The following SNCAIP variants were observed in gnomAD, a reference collection of about 807,000 sequenced individuals.
The protein encoded by SNCAIP is synuclein alpha interacting protein.
Under a neutral mutation model 86.7 loss-of-function variants are expected in SNCAIP, and 43 were observed. That is an observed-to-expected ratio of 0.50 (90% CI 0.39 to 0.64). The LOEUF (loss-of-function observed/expected upper bound fraction) is 0.64. SNCAIP is among the 30% of genes least tolerant of loss of function. SNCAIP has a pLI of 0.00. For missense variants in SNCAIP, 981 were observed against 1,103.1 expected (o/e 0.89, Z 1.57); for synonymous variants, 417 against 427.2 (o/e 0.98, Z 0.29).
intron 1 of SNCAIP, among the ~76,000 whole-genome samples, chr5:122,373,307 G>T (rs1288581813): frequency 3.3e-5 from 5 of 152,056 alleles, no homozygotes; most frequent in Non-Finnish European, 7.4e-5. Context: ...AAGCAGTTCT[G>T]TTTTCAGCAT....
At chr5:122,419,676 G>A (rs1324317896) in intron 3 of SNCAIP, among the ~76,000 whole-genome samples, 1 of 152,088 alleles carries the variant, frequency 6.6e-6, no homozygotes, top group East Asian at 1.9e-4. Context: ...AATTTGGGGG[G>A]ATTTAAATTT....
chr5:122,343,758 T>A (rs1193054860), intron 1 of SNCAIP, among the ~76,000 whole-genome samples: 1 of 152,196 alleles, frequency 6.6e-6, no homozygotes, highest in Non-Finnish European at 1.5e-5. Context: ...ACACATTAGA[T>A]GTGAGTAGCA....
chr5:122,376,111 T>C (rs1016593738), intron 1 of SNCAIP, among the ~76,000 whole-genome samples: 2 of 152,158 alleles, frequency 1.3e-5, no homozygotes, highest in Admixed American at 1.3e-4. Context: ...TCTGTTTTAA[T>C]AAGCCATCTG....
chr5:122,343,007 G>A (rs1280355317), intron 1 of SNCAIP, among the ~76,000 whole-genome samples: 1 of 152,086 alleles, frequency 6.6e-6, no homozygotes, highest in Admixed American at 6.6e-5. Flanking sequence ...TCTTAAATAA[G>A]TGATTACACT....
chr5:122,313,110 C>T (rs1750967645), intron 1 of SNCAIP, among the ~76,000 whole-genome samples: 1 of 152,266 alleles, frequency 6.6e-6, no homozygotes, highest in Non-Finnish European at 1.5e-5. Context: ...AACAAAAAGG[C>T]AACAGCATTG....
chr5:122,376,213 T>A (rs911008730), intron 1 of SNCAIP, among the ~76,000 whole-genome samples: 1 of 152,134 alleles, frequency 6.6e-6, no homozygotes, highest in Non-Finnish European at 1.5e-5. Flanking sequence ...GAAGCCAAGA[T>A]AACTGACTGA....
At chr5:122,326,606 CTTTTTTTTTTTTTT>C (rs11297385) in intron 1 of SNCAIP, among the ~76,000 whole-genome samples, 17 of 42,134 alleles carry the variant, frequency 4.0e-4, no homozygotes, top group South Asian at 2.3e-3. Flanking sequence ...GAAATGTCTC[CTTTTTTTTTTTTTT>C]TTTTTTTTTT....
intron 6 of SNCAIP, among the ~76,000 whole-genome samples, chr5:122,439,165 A>C (rs1346957607): frequency 1.3e-5 from 2 of 152,234 alleles, no homozygotes; most frequent in Non-Finnish European, 2.9e-5. Context: ...CTGTGGTCCA[A>C]ACATCAGCTC....
At chr5:122,327,984 G>A (rs1754459186) in intron 1 of SNCAIP, among the ~76,000 whole-genome samples, 1 of 152,130 alleles carries the variant, frequency 6.6e-6, no homozygotes, top group African/African-American at 2.4e-5. Context: ...AAGGCCAAGT[G>A]GGTATTCACT....
chr5:122,391,256 T>A, intron 2 of SNCAIP, 65 bp downstream of exon 2: 1 of 1,139,818 alleles, frequency 8.8e-7, no homozygotes. Context: ...TAGCCTACTT[T>A]CTCCATTATA....
At chr5:122,396,865 C>T (rs1770729480) in intron 2 of SNCAIP, among the ~76,000 whole-genome samples, 2 of 152,134 alleles carry the variant, frequency 1.3e-5, no homozygotes, top group African/African-American at 2.4e-5. Context: ...ATCTGCCCTA[C>T]TATAACATAC....
chr5:122,420,068 A>G (rs534781158), intron 3 of SNCAIP, among the ~76,000 whole-genome samples: 150 of 152,234 alleles, frequency 9.9e-4, no homozygotes, highest in African/African-American at 3.5e-3. Context: ...CATTCCTGGG[A>G]TGTCTTTTCT....
At chr5:122,327,802 T>C (rs909582970) in intron 1 of SNCAIP, among the ~76,000 whole-genome samples, 1 of 152,234 alleles carries the variant, frequency 6.6e-6, no homozygotes, top group Non-Finnish European at 1.5e-5. Flanking sequence ...CTTTTTCTTC[T>C]AGCTAATTTC....
rs75314302 is a variant in SNCAIP at position 122,411,133 on chromosome 5, C to A, written c.130+7268C>A. 2.0e-3 allele frequency among the ~76,000 whole-genome samples: 298 copies of A among 152,186 alleles called. 3 individuals are homozygous for A. Among genetic ancestry groups the A allele is most frequent in the African/African-American group, 7.0e-3 (289 of 41,522 alleles). ...CCCAAACTGGTAAGTAAAGAAACCG[C>A]CTGTTGGTAGAAATGAGTTAAAGGA... On this transcript the variant is annotated intron_variant, in intron 3 of 10. Coordinates refer to ENST00000261368, the MANE Select transcript of SNCAIP (RefSeq NM_005460.4).
At chr5:122,369,845 GC>G (rs1455339985) in intron 1 of SNCAIP, 1 of 152,116 alleles carries the variant, frequency 6.6e-6, no homozygotes, top group Non-Finnish European at 1.5e-5. Flanking sequence ...CTTGGGGTTG[GC>G]ATCCAGGCTT....
intron 4 of SNCAIP, among the ~76,000 whole-genome samples, chr5:122,424,989 C>T (rs1444270057): frequency 1.3e-5 from 2 of 152,168 alleles, no homozygotes; most frequent in African/African-American, 4.8e-5. Flanking sequence ...AAACATAGAA[C>T]AGGGAATAAA....
chr5:122,425,199 G>T (rs537778616), intron 4 of SNCAIP, among the ~76,000 whole-genome samples, 153 bp from the exon 5 acceptor site: 4 of 152,254 alleles, frequency 2.6e-5, no homozygotes, highest in Admixed American at 1.3e-4. Flanking sequence ...TTGTAACAAA[G>T]AATAATAGCA....
chr5:122,388,792 C>G (rs973879272), intron 1 of SNCAIP: 2 of 152,138 alleles, frequency 1.3e-5, no homozygotes, highest in South Asian at 4.1e-4. Context: ...GCATTGAAAC[C>G]AGACAAAATA....
At chr5:122,316,666 C>A (rs544939250) in intron 1 of SNCAIP, among the ~76,000 whole-genome samples, 4 of 152,178 alleles carry the variant, frequency 2.6e-5, no homozygotes, top group Non-Finnish European at 5.9e-5. Flanking sequence ...CGGTCTGGCA[C>A]AATGCCTCAT....
Sources: gnomAD v4.1 joint callset for allele counts (sites outside exome capture counted in the v4.1 genomes callset) on GRCh38, gnomAD v4.1.1 for gene constraint, MANE v1.5 for transcripts, NCBI Gene and HGNC (gene_info 2026-07-23, HGNC 2026-07-21) for gene names.